The following KALRN variants were observed in gnomAD, a reference collection of about 807,000 sequenced individuals.
The protein encoded by KALRN is kalirin RhoGEF kinase.
In KALRN, 70 loss-of-function variants were observed where a neutral mutation model predicts 353.7. The observed-to-expected ratio is 0.20, with a 90% confidence interval of 0.16 to 0.24. The LOEUF (loss-of-function observed/expected upper bound fraction) is 0.24. KALRN is among the 10% of genes least tolerant of loss of function. The pLI is 1.00. For synonymous variants in KALRN, 1,391 were observed against 1,434.8 expected, an observed-to-expected ratio of 0.97 and a Z score of 0.69; for missense variants, 2,791 against 3,756.7, an observed-to-expected ratio of 0.74 and a Z score of 6.72.
At chr3:124,450,372 A>T (rs908986210) in intron 21 of KALRN, among the ~76,000 whole-genome samples, 2 of 152,192 alleles carry the variant, frequency 1.3e-5, no homozygotes, top group African/African-American at 4.8e-5. Flanking sequence ...ACTGGACTTA[A>T]TTCATCTTGA....
chr3:124,355,465 A>G (rs993285485), intron 10 of KALRN, among the ~76,000 whole-genome samples: 1 of 152,192 alleles, frequency 6.6e-6, no homozygotes, highest in Non-Finnish European at 1.5e-5. Context: ...AGAATGTTTT[A>G]TGGAAGGCAG....
At chr3:124,342,703 T>C (rs2081884831) in intron 9 of KALRN, among the ~76,000 whole-genome samples, 1 of 152,238 alleles carries the variant, frequency 6.6e-6, no homozygotes, top group Non-Finnish European at 1.5e-5. Context: ...AAGGCACATC[T>C]TTCCCAGAAT....
At chr3:124,574,466 T>C (rs1009288820) in intron 34 of KALRN, among the ~76,000 whole-genome samples, 47 of 152,070 alleles carry the variant, frequency 3.1e-4, no homozygotes, top group African/African-American at 1.1e-3. Context: ...TGATGCCCCT[T>C]ATCATCCAGA....
intron 57 of KALRN, among the ~76,000 whole-genome samples, chr3:124,710,781 T>G (rs959715775): frequency 6.6e-6 from 1 of 152,112 alleles, no homozygotes; most frequent in Non-Finnish European, 1.5e-5. Flanking sequence ...AGAGCAAGAC[T>G]CCAGGGAAGG....
chr3:124,184,124 A>G (rs2073936702), intron 1 of KALRN, among the ~76,000 whole-genome samples: 1 of 152,218 alleles, frequency 6.6e-6, no homozygotes, highest in Admixed American at 6.5e-5. Context: ...GAACACAGGC[A>G]TGGAGGCTGG....
intron 29 of KALRN, among the ~76,000 whole-genome samples, chr3:124,490,343 A>G (rs1445124357): frequency 7.9e-5 from 12 of 152,242 alleles, no homozygotes. Context: ...CAAGTCAGGA[A>G]CAGTAGAAAG....
At chr3:124,339,977 A>C (rs767871329) in intron 9 of KALRN, among the ~76,000 whole-genome samples, 40 of 152,070 alleles carry the variant, frequency 2.6e-4, no homozygotes, top group Non-Finnish European at 4.0e-4. Context: ...ATTTCTTTTC[A>C]TGGGTTTTGT....
chr3:124,640,753 C>A (rs2081953027), intron 37 of KALRN, among the ~76,000 whole-genome samples: 1 of 152,128 alleles, frequency 6.6e-6, no homozygotes, highest in African/African-American at 2.4e-5. Context: ...TGAGAGCTGT[C>A]TTCTAGTAAT....
At chr3:124,484,113 G>A (rs890069298) in intron 28 of KALRN, among the ~76,000 whole-genome samples, 3 of 152,216 alleles carry the variant, frequency 2.0e-5, no homozygotes, top group African/African-American at 7.2e-5. Context: ...GTTTAGAGAT[G>A]TCTGCAAAAA....
At chr3:124,130,767 T>C (rs542065678) in intron 1 of KALRN, among the ~76,000 whole-genome samples, 42 of 152,318 alleles carry the variant, frequency 2.8e-4, no homozygotes, top group Non-Finnish European at 4.6e-4. Context: ...ATAAATACAT[T>C]GTATATCAAC....
chr3:124,321,729 A>AT (rs1285008392), intron 6 of KALRN, among the ~76,000 whole-genome samples: 5 of 152,130 alleles, frequency 3.3e-5, no homozygotes, highest in African/African-American at 1.2e-4. Context: ...AGTTATCGAG[A>AT]TTTTGTTGGA....
intron 1 of KALRN, among the ~76,000 whole-genome samples, chr3:124,140,997 G>A (rs2066550614): frequency 6.6e-6 from 1 of 152,230 alleles, no homozygotes; most frequent in East Asian, 1.9e-4. Flanking sequence ...TTTTTGTTGG[G>A]CTTCTCTAGT....
At chr3:124,646,914 A>G (rs1326276522) in intron 37 of KALRN, among the ~76,000 whole-genome samples, 3 of 152,132 alleles carry the variant, frequency 2.0e-5, no homozygotes, top group African/African-American at 7.2e-5. Flanking sequence ...CTTTACTATC[A>G]CATCAGAGAC....
rs35286809 is a variant in KALRN at position 124,678,402 on chromosome 3, ATT to A, written c.7317+100_7317+101del. On this transcript the variant is annotated intron_variant, in intron 50 of 59. Transcript: ENST00000682506. ...ACAAGCCAATTTGGGTGGATGGGTT[ATT>A]TTTTTTTTTTCCCAGTATGGGTACC... 6.9e-3 allele frequency: 8,102 copies of A among 1,182,518 alleles called. 69 individuals carry two copies. The highest frequency in any genetic ancestry group is 0.051 in the African/African-American group (3,188 of 62,624). The allele number at this position is 1,182,518 out of a possible 1,614,324, so 73.3% of individuals were successfully genotyped here.
chr3:124,473,173 C>T (rs946707909), intron 25 of KALRN, among the ~76,000 whole-genome samples: 2 of 152,186 alleles, frequency 1.3e-5, no homozygotes, highest in Non-Finnish European at 2.9e-5. Flanking sequence ...ACACATACAA[C>T]ACATATGTGA....
chr3:124,616,335 G>A (rs2078592603), intron 34 of KALRN, among the ~76,000 whole-genome samples: 1 of 152,128 alleles, frequency 6.6e-6, no homozygotes, highest in African/African-American at 2.4e-5. Flanking sequence ...TCCAGGCCAG[G>A]CTTCCCACTG....
intron 38 of KALRN, among the ~76,000 whole-genome samples, chr3:124,654,788 TA>T (rs1559777802): frequency 6.6e-6 from 1 of 152,214 alleles, no homozygotes; most frequent in Non-Finnish European, 1.5e-5. Context: ...TCAGGTTACC[TA>T]ATCTTTCTGT....
At chr3:124,299,837 C>T (rs780707167) in intron 6 of KALRN, among the ~76,000 whole-genome samples, 1 of 152,148 alleles carries the variant, frequency 6.6e-6, no homozygotes, top group African/African-American at 2.4e-5. Flanking sequence ...TGTTTTCCTG[C>T]GTGGCTACCC....
chr3:124,629,798 TTC>T (rs398038347), intron 34 of KALRN, among the ~76,000 whole-genome samples: 6 of 79,744 alleles, frequency 7.5e-5, no homozygotes, highest in African/African-American at 1.7e-4. Flanking sequence ...TTTTCATTTT[TTC>T]TCTCTCTCTC....
Sources: allele counts gnomAD v4.1 joint callset (sites outside exome capture counted in the v4.1 genomes callset), GRCh38; gene constraint gnomAD v4.1.1; transcripts MANE v1.5; gene names NCBI Gene and HGNC (gene_info 2026-07-23, HGNC 2026-07-21).